The following SMCO2 variants were observed in gnomAD, a reference collection of about 807,000 sequenced individuals.
SMCO2 encodes single-pass membrane protein with coiled-coil domains 2.
Under a neutral mutation model 29.5 loss-of-function variants are expected in SMCO2, and 25 were observed. The ratio of observed to expected loss-of-function variants is 0.85; its 90% CI spans 0.62 to 1.18. The LOEUF (loss-of-function observed/expected upper bound fraction) is 1.18, where lower values mean the gene tolerates loss of function less well. Ranked by LOEUF, SMCO2 falls within the 50% of genes most tolerant of loss-of-function variation. SMCO2 has a pLI of 0.00. For missense variants in SMCO2, 348 were observed against 344.5 expected, an observed-to-expected ratio of 1.01 and a Z score of -0.08; for synonymous variants, 117 against 123.3, an observed-to-expected ratio of 0.95 and a Z score of 0.34.
the SMCO2 span, among the ~76,000 whole-genome samples, chr12:27,460,721 C>T: frequency 2.0e-5 from 3 of 152,026 alleles, no homozygotes; most frequent in Non-Finnish European, 1.5e-5. Flanking sequence ...AGTGGACTCT[C>T]GCAGTTCAAA....
exon 3 of SMCO2, chr12:27,472,820 C>G (rs377450545): frequency 6.4e-7 from 1 of 1,550,772 alleles, no homozygotes; most frequent in South Asian, 1.2e-5. Context: ...TTAGACAGAT[C>G]GGATGATGAG....
chr12:27,432,689 A>T, the SMCO2 span, among the ~76,000 whole-genome samples: 7 of 152,230 alleles, frequency 4.6e-5, no homozygotes, highest in Admixed American at 4.6e-4. Context: ...GCTCCAGGCA[A>T]CCATTCATGA....
the SMCO2 span, among the ~76,000 whole-genome samples, chr12:27,428,040 C>T: frequency 6.6e-6 from 1 of 152,094 alleles, no homozygotes; most frequent in African/African-American, 2.4e-5. Flanking sequence ...CTAGTTGAAC[C>T]GGATTACCCT....
chr12:27,489,249 A>T (rs1283015013), intron 5 of SMCO2, among the ~76,000 whole-genome samples: 1 of 152,024 alleles, frequency 6.6e-6, no homozygotes, highest in Non-Finnish European at 1.5e-5. Flanking sequence ...GGGTTTCATC[A>T]TGTTGGCCAG....
At chr12:27,495,353 TC>T (rs1942986085) in intron 6 of SMCO2, among the ~76,000 whole-genome samples, 1 of 150,846 alleles carries the variant, frequency 6.6e-6, no homozygotes, top group Admixed American at 6.6e-5. Context: ...TTAGCAGTAA[TC>T]ACCCAATAAA....
At chr12:27,484,596 T>C (rs1323536893) in intron 4 of SMCO2, among the ~76,000 whole-genome samples, 1 of 152,124 alleles carries the variant, frequency 6.6e-6, no homozygotes, top group Admixed American at 6.5e-5. Context: ...TTCTCTTCCA[T>C]ATTTTTCTAC....
At chr12:27,479,849 TAA>T (rs905704988) in intron 4 of SMCO2, among the ~76,000 whole-genome samples, 2 of 151,940 alleles carry the variant, frequency 1.3e-5, no homozygotes, top group African/African-American at 4.8e-5. Flanking sequence ...GTGAGTCCAT[TAA>T]AAAGTCTTTC....
chr12:27,495,836 C>T (rs1253193171), exon 7 of SMCO2: 6 of 1,523,374 alleles, frequency 3.9e-6, no homozygotes, highest in Middle Eastern at 1.7e-4. Flanking sequence ...GCAGAAGTCT[C>T]CTCCCCGCAA....
At chr12:27,448,304 C>A in the SMCO2 span, among the ~76,000 whole-genome samples, 29 of 152,142 alleles carry the variant, frequency 1.9e-4, no homozygotes, top group Non-Finnish European at 3.5e-4. Context: ...ACCCAGAATG[C>A]TATGTCTGCC....
At chr12:27,467,319 G>A (rs947162970) in intron 1 of SMCO2, among the ~76,000 whole-genome samples, 2 of 152,104 alleles carry the variant, frequency 1.3e-5, no homozygotes, top group African/African-American at 4.8e-5. Flanking sequence ...AGCCAATGGG[G>A]TAAGCACACA....
intron 7 of SMCO2, among the ~76,000 whole-genome samples, chr12:27,501,415 C>CAAAAAAAA (rs540673188): frequency 3.5e-4 from 30 of 85,832 alleles, no homozygotes; most frequent in South Asian, 4.4e-4. Flanking sequence ...GACTCCGTCT[C>CAAAAAAAA]AAAAAAAAAA....
At chr12:27,450,214 G>A in the SMCO2 span, among the ~76,000 whole-genome samples, 1 of 152,154 alleles carries the variant, frequency 6.6e-6, no homozygotes, top group African/African-American at 2.4e-5. Flanking sequence ...CCTCAAGGCT[G>A]TTGACCTTCC....
the SMCO2 span, among the ~76,000 whole-genome samples, chr12:27,433,314 C>T: frequency 4.6e-5 from 7 of 152,122 alleles, no homozygotes; most frequent in Non-Finnish European, 8.8e-5. Flanking sequence ...AGTACAGCTG[C>T]AAAGTTGACT....
chr12:27,455,795 G>A, the SMCO2 span, among the ~76,000 whole-genome samples: 3 of 152,338 alleles, frequency 2.0e-5, no homozygotes, highest in Non-Finnish European at 1.5e-5. Flanking sequence ...GAAATATTAT[G>A]CAATAATTAA....
At chr12:27,489,427 G>C (rs545499838) in intron 5 of SMCO2, among the ~76,000 whole-genome samples, 2 of 152,044 alleles carry the variant, frequency 1.3e-5, no homozygotes, top group East Asian at 3.9e-4. Flanking sequence ...GTTAGATTTC[G>C]GAGTCCTGGC....
intron 4 of SMCO2, among the ~76,000 whole-genome samples, chr12:27,486,635 A>G (rs1039320272): frequency 1.3e-5 from 2 of 152,222 alleles, no homozygotes; most frequent in African/African-American, 4.8e-5. Flanking sequence ...CTGCAAATCC[A>G]CATTACATTA....
intron 4 of SMCO2, among the ~76,000 whole-genome samples, 185 bp from the exon 6 acceptor site, chr12:27,488,275 T>G (rs1428223261): frequency 6.6e-6 from 1 of 152,204 alleles, no homozygotes; most frequent in African/African-American, 2.4e-5. Flanking sequence ...CTCTTTAATA[T>G]TATCTAGATT....
the SMCO2 span, among the ~76,000 whole-genome samples, chr12:27,455,841 T>A: frequency 6.6e-6 from 1 of 152,264 alleles, no homozygotes; most frequent in African/African-American, 2.4e-5. Context: ...TAACATGGAA[T>A]GTTCCATGAC....
In SMCO2 at chr12:27,494,360, A is replaced by T; in HGVS notation, c.507+4A>T. On this transcript the variant is annotated splice_donor_region_variant and intron_variant, in intron 6 of 7. Coordinates refer to ENST00000298876, the Ensembl canonical transcript of SMCO2. ...GAAAGTCATAGAAAGGCTGGAGGTA[A>T]GATTTCAGTTACACAATTCAAACAA... 1 of 1,518,162 alleles carries T rather than the reference A, an allele frequency of 6.6e-7. No individual in the cohort carries two copies. The highest frequency in any genetic ancestry group is 8.8e-7 in the Non-Finnish European group (1 of 1,131,630). The allele number at this position is 1,518,162 out of a possible 1,614,324, so 94.0% of individuals were successfully genotyped here.
Sources: gnomAD v4.1 joint callset for allele counts (sites outside exome capture counted in the v4.1 genomes callset) on GRCh38, gnomAD v4.1.1 for gene constraint, MANE v1.5 for transcripts, NCBI Gene and HGNC (gene_info 2026-07-23, HGNC 2026-07-21) for gene names.